TDP1: variants seen among roughly 807,000 people sequenced by gnomAD.
TDP1 encodes the protein tyrosyl-DNA phosphodiesterase 1, also known as tyr-DNA phosphodiesterase 1.
TDP1 carries 64 observed loss-of-function variants against 81.5 expected under a neutral mutation model. The observed-to-expected ratio is 0.79, with a 90% CI of 0.64 to 0.97. TDP1 has a LOEUF of 0.97. Among genes scored for constraint, TDP1 ranks in the 50% least tolerant of loss-of-function variants. The pLI, the probability that TDP1 is intolerant of heterozygous loss-of-function variation, is 0.00. For synonymous variants in TDP1, 256 were observed against 264.3 expected (o/e 0.97, Z 0.30); for missense variants, 723 against 743.8 (o/e 0.97, Z 0.33).
intron 16 of TDP1, among the ~76,000 whole-genome samples, chr14:90,036,554 CAAAGT>C (rs768430835): frequency 5.3e-5 from 8 of 152,116 alleles, no homozygotes; most frequent in Non-Finnish European, 1.0e-4. Flanking sequence ...AGAAAATGAT[CAAAGT>C]AAAGCAAAAA....
In TDP1 at chr14:89,957,654, A is replaced by G. The variant is rs34147735; in HGVS notation, c.-8+854A>G. On this transcript the variant is annotated intron_variant, in intron 2 of 16. Coordinates refer to ENST00000335725, the MANE Select transcript of TDP1 (RefSeq NM_018319.4). ...AGTGAGGAAACACTAGTAGCTCTAAATGGAGTACCCTTTTATATCCACAAC... is the reference window on the plus strand; with the variant it reads ...AGTGAGGAAACACTAGTAGCTCTAAGTGGAGTACCCTTTTATATCCACAAC... Among the ~76,000 whole-genome samples, 43 of 152,348 alleles carry G rather than the reference A, an allele frequency of 2.8e-4. No individual in the cohort carries two copies. The East Asian group carries it at 7.9e-3, about 28-fold the overall frequency.
rs115815623 is a variant in TDP1 at position 89,986,733 on chromosome 14, T to C, written c.1131+1523T>C. Among the ~76,000 whole-genome samples, 14 of 152,344 alleles carry C rather than the reference T, an allele frequency of 9.2e-5. No homozygotes were observed. The East Asian group carries it at 2.3e-3, about 25-fold the overall frequency. ...GCAGTAGAAACTGGGTGTTGTAAGT[T>C]GTCGGTTCAGCTCTGTTTCCTACAC... On this transcript the variant is annotated intron_variant, in intron 10 of 16. Transcript: ENST00000335725.
intron 14 of TDP1, among the ~76,000 whole-genome samples, chr14:90,006,152 T>C (rs1897662735): frequency 6.6e-6 from 1 of 152,200 alleles, no homozygotes; most frequent in Admixed American, 6.5e-5. Context: ...CCAAATCTAT[T>C]TGGTGGTTTG....
chr14:90,008,480 T>G (rs958180857), intron 14 of TDP1, among the ~76,000 whole-genome samples: 1 of 152,348 alleles, frequency 6.6e-6, no homozygotes, highest in South Asian at 2.1e-4. Context: ...GAATTCTTAC[T>G]CTACCACCTA....
At chr14:90,013,733 G>A (rs116737308) in intron 14 of TDP1, among the ~76,000 whole-genome samples, 1,661 of 152,282 alleles carry the variant, frequency 0.011, 34 homozygotes, top group African/African-American at 0.039. Flanking sequence ...TGTTGTGAGG[G>A]AGACACAGTG....
intron 5 of TDP1, among the ~76,000 whole-genome samples, chr14:89,970,512 A>G (rs566873105): frequency 2.0e-5 from 3 of 152,034 alleles, no homozygotes; most frequent in South Asian, 2.1e-4. Context: ...ACTATATTAT[A>G]TAATAATTAT....
intron 14 of TDP1, among the ~76,000 whole-genome samples, chr14:89,998,624 G>C (rs1896931093): frequency 6.6e-6 from 1 of 151,502 alleles, no homozygotes; most frequent in African/African-American, 2.4e-5. Context: ...TCGGGTTGGG[G>C]AGGGAGGCTG....
In TDP1 at chr14:90,008,052, C is replaced by G. The variant is rs187066330; in HGVS notation, c.1542-11264C>G. On this transcript the variant is annotated intron_variant, in intron 14 of 16. Transcript: ENST00000335725. ...TTATATTTGGTATTCTTCAGTTTAG[C>G]TACGATGGATAAATAGGTATGGATT... is the stretch of plus-strand genomic sequence containing the variant. Among the ~76,000 whole-genome samples the G allele has an allele frequency of 3.3e-5, 5 of 152,270 alleles. No individual in the cohort carries two copies. The East Asian group carries it at 9.6e-4, about 29-fold the overall frequency.
rs765469827 is a variant in TDP1, at chr14:89,963,188, C to T, written c.74C>T (p.Pro25Leu). Residue 25 changes from proline to leucine, a missense_variant, in exon 3 of 17, where the codon CCA becomes CTA. By Grantham distance (98) the Pro-to-Leu change is moderately conservative. Coordinates refer to ENST00000335725, the MANE Select transcript of TDP1 (RefSeq NM_018319.4). ...GAAAGTGAGGAAGAAAAGCCAAAAC[C>T]AGACAAGCCATCTACCTCTTCTCTT... ...SDESEEEKPK[P>L]DKPSTSSLLC... 17 of 1,614,002 alleles carry T rather than the reference C, an allele frequency of 1.1e-5. No individual in the cohort carries two copies. The highest frequency in any genetic ancestry group is 1.4e-5 in the Non-Finnish European group (17 of 1,180,044).
intron 14 of TDP1, among the ~76,000 whole-genome samples, chr14:90,018,261 A>T (rs921546895): frequency 6.6e-6 from 1 of 152,174 alleles, no homozygotes; most frequent in African/African-American, 2.4e-5. Flanking sequence ...TATATGTTTT[A>T]AAAATGAAAT....
intron 9 of TDP1, 112 bp from the exon 10 acceptor site, chr14:89,985,019 TG>T: frequency 7.5e-7 from 1 of 1,331,056 alleles, no homozygotes; most frequent in Non-Finnish European, 1.0e-6. Context: ...GAAAATGGAT[TG>T]GCTCTTAGAT....
rs749071619 is a variant in TDP1 at position 89,989,736 on chromosome 14, A to C, written c.1337A>C (p.Asn446Thr). Residue 446 changes from asparagine (N) to threonine (T), a missense_variant, in exon 12 of 17, where the codon AAT (asparagine) becomes ACT (threonine). Asn to Thr is a moderately conservative substitution (Grantham distance 65). Coordinates refer to ENST00000335725, the MANE Select transcript of TDP1 (RefSeq NM_018319.4). Reference protein sequence around the residue: ...PLYLIYPSVENVRTSLEGYPA... With the variant: ...PLYLIYPSVETVRTSLEGYPA... ...TTTTAGATCTATCCTTCTGTGGAAA[A>C]TGTGCGGACCAGTTTAGAAGGATAT... 1 of 1,611,566 alleles carries C rather than the reference A, an allele frequency of 6.2e-7. No individual in the cohort carries two copies. The highest frequency in any genetic ancestry group is 1.3e-5 in the African/African-American group (1 of 74,926).
intron 14 of TDP1, among the ~76,000 whole-genome samples, chr14:90,012,898 T>G (rs1884882140): frequency 6.6e-6 from 1 of 152,226 alleles, no homozygotes; most frequent in Admixed American, 6.5e-5. Context: ...GAAGCCTACC[T>G]CTTGGATCAG....
intron 7 of TDP1, chr14:89,980,187 T>C: frequency 1.0e-6 from 1 of 985,476 alleles, no homozygotes; most frequent in African/African-American, 1.7e-5. Flanking sequence ...TTGTTGACCA[T>C]ACTTTGAATC....
chr14:90,039,674 A>T (rs976955802), intron 16 of TDP1, among the ~76,000 whole-genome samples: 7 of 116,854 alleles, frequency 6.0e-5, no homozygotes, highest in African/African-American at 2.6e-4. Context: ...TCTGATTATT[A>T]AAAAAAAAAA....
chr14:89,981,567 G>A (rs1894981617), intron 8 of TDP1: 3 of 437,288 alleles, frequency 6.9e-6, no homozygotes, highest in Admixed American at 2.5e-5. Context: ...CCAGGTTCAC[G>A]TTTTCTCTGT....
intron 12 of TDP1, among the ~76,000 whole-genome samples, chr14:89,989,994 A>G (rs1480728320): frequency 6.6e-6 from 1 of 152,208 alleles, no homozygotes; most frequent in Non-Finnish European, 1.5e-5. Context: ...CATTTTTACC[A>G]GTAAGGTAAC....
intron 10 of TDP1, chr14:89,988,447 A>G (rs1895810802): frequency 6.5e-6 from 2 of 305,372 alleles, no homozygotes; most frequent in African/African-American, 4.5e-5. Context: ...TCTCATTAAC[A>G]TACAGAAAGA....
chr14:89,966,211 T>C, intron 4 of TDP1, 21 bp downstream of exon 4: 1 of 1,562,042 alleles, frequency 6.4e-7, no homozygotes. Context: ...CTTTAAGCTG[T>C]TTTTTCTTTG....
Sources: gnomAD v4.1 joint callset for allele counts (sites outside exome capture counted in the v4.1 genomes callset) on GRCh38, gnomAD v4.1.1 for gene constraint, MANE v1.5 for transcripts, NCBI Gene and HGNC (gene_info 2026-07-23, HGNC 2026-07-21) for gene names.